The following PNPLA8 variants were observed in gnomAD, a reference collection of about 807,000 sequenced individuals.
The protein encoded by PNPLA8 is calcium-independent phospholipase A2-gamma.
A neutral mutation model predicts 76.9 loss-of-function variants in PNPLA8; 39 were observed. That is an observed-to-expected ratio of 0.51 (90% CI 0.39 to 0.66). The LOEUF (loss-of-function observed/expected upper bound fraction) is 0.66, where lower values mean the gene tolerates loss of function less well. PNPLA8 is among the 30% of genes least tolerant of loss of function. The pLI is 0.00. For missense variants in PNPLA8, 887 were observed against 918.0 expected (o/e 0.97, Z 0.44); for synonymous variants, 301 against 307.9 (o/e 0.98, Z 0.24).
At chr7:108,526,183 C>T, upstream of PNPLA8, 3 of 763,244 alleles carry the variant, frequency 3.9e-6, no homozygotes, top group Non-Finnish European at 4.8e-6. Context: ...CCGCTCCGCC[C>T]CCAGCGGAAG....
chr7:108,521,550 G>A (rs1021624960), intron 1 of PNPLA8, 29 bp from the exon 2 acceptor site: 69 of 441,910 alleles, frequency 1.6e-4, no homozygotes, highest in Non-Finnish European at 2.0e-4. Flanking sequence ...AATAATAAAC[G>A]TAATGTATAA....
chr7:108,514,386 A>G, intron 3 of PNPLA8, 50 bp downstream of exon 3: 1 of 1,554,948 alleles, frequency 6.4e-7, no homozygotes, highest in Non-Finnish European at 8.7e-7. Flanking sequence ...AATAAAACTT[A>G]TAAATTTGAC....
Position 108,502,502 on chromosome 7 carries a change from A to G in PNPLA8, c.1347T>C (p.Gly449=), listed in dbSNP as rs1862037271. The change falls in exon 5 of 11, where the codon GGT becomes GGC. Residue 449 remains glycine, a synonymous_variant. Coordinates refer to ENST00000257694, the MANE Select transcript of PNPLA8 (RefSeq NM_001256007.3). ...GRGIRILSID[G]GGTRGVVALQ... is the part of the protein sequence containing the mutation. ...GTTCCTAGCCTTACCTTGTTCCTCC[A>G]CCATCAATTGAGAGAATTCGGATTC... 1.3e-6 allele frequency: 2 copies of G among 1,527,862 alleles called. No homozygotes were observed. The highest frequency in any genetic ancestry group is 2.8e-5 in the African/African-American group (2 of 71,594). 94.6% of individuals were successfully genotyped at this position (1,527,862 alleles called of 1,614,324 possible). A position where few individuals can be genotyped will look rare whatever the true frequency, so the allele number is the denominator to read the frequency against.
At chr7:108,489,678 TTAA>T (rs1454923248) in intron 8 of PNPLA8, among the ~76,000 whole-genome samples, 10 of 152,194 alleles carry the variant, frequency 6.6e-5, no homozygotes, top group African/African-American at 2.4e-4. Flanking sequence ...GGGTGTATAA[TTAA>T]TACTTGCAGA....
At chr7:108,477,628 G>C (rs976860491) in intron 10 of PNPLA8, among the ~76,000 whole-genome samples, 7 of 152,184 alleles carry the variant, frequency 4.6e-5, no homozygotes, top group African/African-American at 1.7e-4. Flanking sequence ...AGGAGGCCAA[G>C]GCAGGAGGAT....
intron 7 of PNPLA8, among the ~76,000 whole-genome samples, chr7:108,493,277 T>A (rs1315546896): frequency 6.6e-6 from 1 of 152,082 alleles, no homozygotes; most frequent in Admixed American, 6.5e-5. Context: ...TACATAAATA[T>A]GCAAAGATAC....
At position 108,489,341 on chromosome 7, in the gene PNPLA8, C is replaced by T. The variant is rs80312660; in HGVS notation, c.1684-1388G>A. Among the ~76,000 whole-genome samples the T allele has an allele frequency of 7.6e-3, 1,163 of 152,240 alleles. 14 individuals carry two copies. The highest frequency in any genetic ancestry group is 0.026 in the African/African-American group (1,080 of 41,514). On this transcript the variant is annotated intron_variant, in intron 8 of 10. Coordinates refer to ENST00000257694, the MANE Select transcript of PNPLA8 (RefSeq NM_001256007.3). ...CATTCCACATGCAGCCCTTGGATTC[C>T]GAGGCACTAATCTTTAAGAACTCTA... is the stretch of plus-strand genomic sequence containing the variant.
intron 2 of PNPLA8, among the ~76,000 whole-genome samples, chr7:108,518,758 T>TATATATATACAC (rs1554690263): frequency 8.1e-6 from 1 of 123,080 alleles, no homozygotes; most frequent in African/African-American, 3.1e-5. Context: ...TATATATATA[T>TATATATATACAC]ACACACACAC....
chr7:108,496,852 G>A, intron 6 of PNPLA8, 97 bp from the exon 7 acceptor site: 2 of 931,520 alleles, frequency 2.1e-6, no homozygotes, highest in Non-Finnish European at 3.2e-6. Flanking sequence ...TTTTAGCGTT[G>A]ATACTTTCTA....
Position 108,480,906 on chromosome 7 carries a change from C to G in PNPLA8, c.1879-1527G>C, listed in dbSNP as rs1333373219. 2.6e-5 allele frequency among the ~76,000 whole-genome samples: 4 copies of G among 152,286 alleles called. No homozygotes were observed. In the East Asian group the frequency reaches 7.7e-4, roughly 29 times the overall value. ...CTTTGTAGGCACCCCTCCTCCCACC[C>G]ATAACCCTTGACAACCACTGATCTG... On this transcript the variant is annotated intron_variant, in intron 9 of 10. Coordinates refer to ENST00000257694, the MANE Select transcript of PNPLA8 (RefSeq NM_001256007.3).
chr7:108,527,683 G>C (rs1042591687), upstream of PNPLA8: 2 of 152,166 alleles, frequency 1.3e-5, no homozygotes, highest in Non-Finnish European at 2.9e-5. Flanking sequence ...TGATATCAAG[G>C]GTCGGGGATA....
upstream of PNPLA8, chr7:108,527,842 C>G (rs1181570300): frequency 1.3e-5 from 2 of 152,184 alleles, no homozygotes; most frequent in African/African-American, 4.8e-5. Context: ...AAGGATGAGG[C>G]CTAGTTGGGA....
chr7:108,478,638 C>T (rs1029854443), intron 10 of PNPLA8, among the ~76,000 whole-genome samples: 2 of 152,066 alleles, frequency 1.3e-5, no homozygotes, highest in Non-Finnish European at 2.9e-5. Context: ...GTGATCCAAC[C>T]GCCTCGGCCT....
At chr7:108,512,863 TAA>T (rs557107043) in intron 4 of PNPLA8, among the ~76,000 whole-genome samples, 1 of 152,150 alleles carries the variant, frequency 6.6e-6, no homozygotes, top group Non-Finnish European at 1.5e-5. Context: ...TTATGCAAGA[TAA>T]AAGAGTCCTC....
intron 4 of PNPLA8, among the ~76,000 whole-genome samples, chr7:108,506,415 T>C (rs895745699): frequency 1.3e-5 from 2 of 151,822 alleles, no homozygotes; most frequent in African/African-American, 4.8e-5. Context: ...GGAGAGAAAG[T>C]AGAACACAGA....
chr7:108,479,276 C>A lies in PNPLA8; in HGVS notation c.1982G>T (p.Gly661Val), dbSNP rs1563932612. 6.2e-7 allele frequency: 1 copy of A among 1,612,660 alleles called. No homozygotes were observed. The highest frequency in any genetic ancestry group is 2.2e-5 in the East Asian group (1 of 44,876). The change falls in exon 10 of 11, where the codon GGA (glycine) becomes GTA (valine). Residue 661 changes from glycine to valine, a missense_variant. Coordinates refer to ENST00000257694, the MANE Select transcript of PNPLA8 (RefSeq NM_001256007.3). Reference sequence around the variant, plus strand: ...GTTTCTCACATCACTCTCATAACGTCCAGTGCCCAGGGATACTATGCACTC... The same window carrying A: ...GTTTCTCACATCACTCTCATAACGTACAGTGCCCAGGGATACTATGCACTC... ...PLECIVSLGT[G>V]RYESDVRNTV...
chr7:108,522,151 G>A (rs1042972690), intron 1 of PNPLA8, among the ~76,000 whole-genome samples: 13 of 151,774 alleles, frequency 8.6e-5, no homozygotes, highest in African/African-American at 1.7e-4. Flanking sequence ...AAAATTAGCC[G>A]GGCGTGGTGG....
At chr7:108,486,463 T>C (rs961479275) in intron 9 of PNPLA8, among the ~76,000 whole-genome samples, 6 of 152,206 alleles carry the variant, frequency 3.9e-5, no homozygotes, top group African/African-American at 1.4e-4. Context: ...CAGCCAGTAC[T>C]TTCTGCCCAG....
At position 108,487,804 on chromosome 7, in the gene PNPLA8, A is replaced by G. The variant is rs1860850589; in HGVS notation, c.1833T>C (p.Ala611=). ...ATGCATATTCTGCAAAGTAGCCTGG[A>G]GCAGCAGATGAGGCTCTAATGGCCT... ...MWQAIRASSA[A]PGYFAEYALG... The change falls in exon 9 of 11, where the codon GCT becomes GCC. Residue 611 remains alanine, a synonymous_variant. Transcript: ENST00000257694. 2.5e-6 allele frequency: 4 copies of G among 1,613,510 alleles called. No individual in the cohort carries two copies. The highest frequency in any genetic ancestry group is 2.5e-6 in the Non-Finnish European group (3 of 1,179,608).
Sources: gnomAD v4.1 joint callset for allele counts (sites outside exome capture counted in the v4.1 genomes callset) on GRCh38, gnomAD v4.1.1 for gene constraint, MANE v1.5 for transcripts, NCBI Gene and HGNC (gene_info 2026-07-23, HGNC 2026-07-21) for gene names.